Variants in SCN11A observed in about 807,000 individuals in gnomAD.
SCN11A encodes sodium channel protein type 11 subunit alpha.
A neutral mutation model predicts 162.2 loss-of-function variants in SCN11A; 122 were observed. The ratio of observed to expected loss-of-function variants is 0.75; its 90% CI spans 0.65 to 0.87. The LOEUF (loss-of-function observed/expected upper bound fraction) is 0.87, where lower values mean the gene tolerates loss of function less well. SCN11A is among the 40% of genes least tolerant of loss of function. The pLI is 0.00. For missense variants in SCN11A, 2,015 were observed against 2,181.6 expected, an observed-to-expected ratio of 0.92 and a Z score of 1.52; for synonymous variants, 758 against 751.5, an observed-to-expected ratio of 1.01 and a Z score of -0.14.
At chr3:38,879,591 A>G (rs919339722) in intron 23 of SCN11A, among the ~76,000 whole-genome samples, 2 of 152,218 alleles carry the variant, frequency 1.3e-5, no homozygotes, top group Non-Finnish European at 2.9e-5. Flanking sequence ...ACCAGCTTTG[A>G]GAAGTCTTGA....
chr3:39,021,723 G>T (rs1407588259), intron 2 of SCN11A, among the ~76,000 whole-genome samples: 1 of 152,170 alleles, frequency 6.6e-6, no homozygotes, highest in Non-Finnish European at 1.5e-5. Context: ...GCAAGGGAAG[G>T]ATTCTTAACT....
intron 2 of SCN11A, among the ~76,000 whole-genome samples, chr3:39,014,645 G>T (rs1370889582): frequency 6.6e-6 from 1 of 152,156 alleles, no homozygotes; most frequent in Non-Finnish European, 1.5e-5. Flanking sequence ...ATCCCTTGCT[G>T]TACTTATTTA....
At chr3:38,848,845 G>A (rs2064721690) in intron 29 of SCN11A, among the ~76,000 whole-genome samples, 1 of 152,182 alleles carries the variant, frequency 6.6e-6, no homozygotes, top group Admixed American at 6.5e-5. Flanking sequence ...CCTAGAGAGA[G>A]ATTCATTTCA....
At chr3:38,994,327 C>T (rs990877917) in intron 2 of SCN11A, among the ~76,000 whole-genome samples, 3 of 152,206 alleles carry the variant, frequency 2.0e-5, no homozygotes, top group Non-Finnish European at 4.4e-5. Flanking sequence ...GTAAAATGAG[C>T]ACCCAGGATA....
chr3:38,964,523 G>A (rs2066769298), intron 2 of SCN11A, among the ~76,000 whole-genome samples: 1 of 152,210 alleles, frequency 6.6e-6, no homozygotes, highest in African/African-American at 2.4e-5. Context: ...GTAAGATACA[G>A]AGGCTTTCAC....
At chr3:38,936,887 G>T (rs1439641371) in intron 7 of SCN11A, among the ~76,000 whole-genome samples, 4 of 151,966 alleles carry the variant, frequency 2.6e-5, no homozygotes, top group African/African-American at 9.7e-5. Context: ...AGTTCATATG[G>T]AACCAAAAAA....
chr3:38,996,693 A>G (rs1398276113), intron 2 of SCN11A, among the ~76,000 whole-genome samples: 5 of 152,114 alleles, frequency 3.3e-5, no homozygotes, highest in Non-Finnish European at 7.4e-5. Context: ...ATCCATAATC[A>G]CTGTCTTCCC....
At chr3:38,870,569 A>C in intron 26 of SCN11A, 122 bp downstream of exon 26, 1 of 763,510 alleles carries the variant, frequency 1.3e-6, no homozygotes, top group Non-Finnish European at 2.2e-6. Context: ...TTTTGTTCCA[A>C]AGAAAACAAG....
intron 19 of SCN11A, among the ~76,000 whole-genome samples, chr3:38,889,027 A>G (rs573847162): frequency 2.0e-5 from 3 of 152,368 alleles, no homozygotes; most frequent in Admixed American, 2.0e-4. Flanking sequence ...AATTGAAAAA[A>G]AAGATATTGA....
At chr3:38,877,083 CTATATATATGGTATATATAT>C (rs2065224744) in intron 23 of SCN11A, among the ~76,000 whole-genome samples, 1 of 39,848 alleles carries the variant, frequency 2.5e-5, no homozygotes, top group Non-Finnish European at 5.1e-5. Context: ...GGTGTATATA[CTATATATATGGTATATATAT>C]GGTGTATATA....
chr3:38,993,939 T>A (rs1467829119), intron 2 of SCN11A, among the ~76,000 whole-genome samples: 4 of 152,182 alleles, frequency 2.6e-5, no homozygotes, highest in Admixed American at 2.6e-4. Context: ...GTGGGAAGAT[T>A]TTGCAGCATC....
chr3:38,854,808 T>G (rs1174351542), intron 28 of SCN11A, among the ~76,000 whole-genome samples: 1 of 152,142 alleles, frequency 6.6e-6, no homozygotes, highest in African/African-American at 2.4e-5. Flanking sequence ...AGTGCAAAAG[T>G]AGAAGAAGCA....
intron 2 of SCN11A, among the ~76,000 whole-genome samples, chr3:39,000,009 C>G (rs1041453392): frequency 6.6e-6 from 1 of 152,194 alleles, no homozygotes; most frequent in Non-Finnish European, 1.5e-5. Flanking sequence ...CCAATACCCC[C>G]TCAGGCTTGG....
Position 38,851,242 on chromosome 3 carries a change from C to T in SCN11A, c.4057-491G>A, listed in dbSNP as rs192052482. ...GCTCCATTTGCCAATTCACAATAATCAGAACTTAACCAAAATTCTGTATTC... is the reference window on the plus strand; with the variant it reads ...GCTCCATTTGCCAATTCACAATAATTAGAACTTAACCAAAATTCTGTATTC... On this transcript the variant is annotated intron_variant, in intron 28 of 29. Coordinates refer to ENST00000302328, the MANE Select transcript of SCN11A (RefSeq NM_001349253.2). Among the ~76,000 whole-genome samples the T allele has an allele frequency of 4.4e-3, 667 of 152,250 alleles. 7 individuals carry two copies. Among genetic ancestry groups the T allele is most frequent in the African/African-American group, 0.015 (625 of 41,546 alleles).
intron 11 of SCN11A, 69 bp from the exon 12 acceptor site, chr3:38,910,276 A>T: frequency 4.6e-6 from 7 of 1,509,922 alleles, no homozygotes; most frequent in Non-Finnish European, 6.3e-6. Flanking sequence ...CCTTCCAACG[A>T]CTCTGGTTTT....
chr3:38,946,744 T>C (rs2066522485), intron 6 of SCN11A, 45 bp downstream of exon 6: 1 of 1,313,824 alleles, frequency 7.6e-7, no homozygotes, highest in South Asian at 1.3e-5. Flanking sequence ...GCACGTGCAC[T>C]TTTCAAATGA....
At chr3:38,939,242 CATAGAATTTAAGACAA>C (rs2066403418) in intron 7 of SCN11A, among the ~76,000 whole-genome samples, 2 of 151,406 alleles carry the variant, frequency 1.3e-5, no homozygotes, top group East Asian at 2.0e-4. Context: ...TTTAGAAAAA[CATAGAATTTAAGACAA>C]ATAGAATTTA....
rs562222005 is a variant in SCN11A, at chr3:38,986,636, G to GTGTTGT, written c.-279-26219_-279-26214dup. On this transcript the variant is annotated intron_variant, in intron 2 of 29. Transcript: ENST00000302328. ...CTTCTCTCTCTCTCTCTGTGTGTGT[G>GTGTTGT]TGTTGTTGTTGTTGTTGTTGTATTG... 1.6e-3 allele frequency among the ~76,000 whole-genome samples: 239 copies of GTGTTGT among 151,992 alleles called. 1 individual carries two copies. The highest frequency in any genetic ancestry group is 5.2e-3 in the African/African-American group (215 of 41,452).
At chr3:38,944,487 T>C (rs1340119916) in intron 7 of SCN11A, among the ~76,000 whole-genome samples, 3 of 151,464 alleles carry the variant, frequency 2.0e-5, no homozygotes, top group Non-Finnish European at 2.9e-5. Flanking sequence ...CCACCACGCC[T>C]GGCTAATTTT....
Sources: gnomAD v4.1 joint callset for allele counts (sites outside exome capture counted in the v4.1 genomes callset) on GRCh38, gnomAD v4.1.1 for gene constraint, MANE v1.5 for transcripts, NCBI Gene and HGNC (gene_info 2026-07-23, HGNC 2026-07-21) for gene names.